The following TNFRSF21 variants were observed in gnomAD, a reference collection of about 807,000 sequenced individuals.
The protein encoded by TNFRSF21 is TNF receptor superfamily member 21, also known as tumor necrosis factor receptor superfamily member 21.
In TNFRSF21, 19 loss-of-function variants were observed where a neutral mutation model predicts 45.6. That is an observed-to-expected ratio of 0.42 (90% CI 0.29 to 0.61). The LOEUF is 0.61. TNFRSF21 is among the 20% of genes least tolerant of loss of function. The pLI is 0.23. For missense variants in TNFRSF21, 737 were observed against 851.5 expected (o/e 0.87, Z 1.67); for synonymous variants, 314 against 335.5 (o/e 0.94, Z 0.70).
At chr6:47,264,267 C>A (rs1034794803) in intron 3 of TNFRSF21, among the ~76,000 whole-genome samples, 1 of 152,192 alleles carries the variant, frequency 6.6e-6, no homozygotes, top group Admixed American at 6.5e-5. Context: ...GTGGCTCACA[C>A]CTGTAATCCC....
chr6:47,245,820 G>A (rs931619865), intron 4 of TNFRSF21, among the ~76,000 whole-genome samples: 4 of 152,132 alleles, frequency 2.6e-5, no homozygotes, highest in African/African-American at 4.8e-5. Context: ...ATATGCTCAC[G>A]GTTCTGCAAG....
intron 3 of TNFRSF21, among the ~76,000 whole-genome samples, chr6:47,268,884 C>A (rs1439616981): frequency 1.3e-5 from 2 of 152,126 alleles, no homozygotes; most frequent in Non-Finnish European, 2.9e-5. Flanking sequence ...TCTCCAATAT[C>A]CTTATTTATC....
At chr6:47,243,450 TC>T (rs1470504625) in intron 4 of TNFRSF21, among the ~76,000 whole-genome samples, 6 of 152,146 alleles carry the variant, frequency 3.9e-5, no homozygotes, top group Non-Finnish European at 2.9e-5. Context: ...TTTGTTTTTT[TC>T]GTGTCTCCCA....
At chr6:47,242,443 T>C (rs1189088689) in intron 4 of TNFRSF21, among the ~76,000 whole-genome samples, 1 of 152,154 alleles carries the variant, frequency 6.6e-6, no homozygotes, top group African/African-American at 2.4e-5. Context: ...AGAGTTAATT[T>C]CAAAATTGAG....
In TNFRSF21 at chr6:47,234,928, A is replaced by G. The variant is rs970953435; in HGVS notation, c.1510-30T>C. 6 of 1,238,038 alleles carry G rather than the reference A, an allele frequency of 4.8e-6. No homozygotes were observed. The African/African-American group carries it at 9.7e-5, about 20-fold the overall frequency. The allele number at this position is 1,238,038 out of a possible 1,614,324, so 76.7% of individuals were successfully genotyped here. A position where few individuals can be genotyped will look rare whatever the true frequency, so the allele number is the denominator to read the frequency against. On this transcript the variant is annotated intron_variant, in intron 4 of 5. Transcript: ENST00000296861. The stretch of plus-strand genomic sequence containing the variant: ...AGGAGGGAAAATTTTTTTTTATTAT[A>G]TATAGAAAAAAAAACAGTAAAATTA...
intron 1 of TNFRSF21, among the ~76,000 whole-genome samples, chr6:47,296,364 CTGTGATAT>C (rs1347941751): frequency 6.6e-6 from 1 of 152,150 alleles, no homozygotes; most frequent in African/African-American, 2.4e-5. Context: ...AGGTGTGATA[CTGTGATAT>C]AATAAATATA....
chr6:47,253,164 T>G (rs1005795872), intron 4 of TNFRSF21, 92 bp downstream of exon 4: 2 of 1,455,462 alleles, frequency 1.4e-6, no homozygotes, highest in South Asian at 2.7e-5. Context: ...CCACCGAATA[T>G]GTTATTTTTC....
intron 3 of TNFRSF21, among the ~76,000 whole-genome samples, chr6:47,260,680 T>C (rs910169382): frequency 1.3e-5 from 2 of 152,136 alleles, no homozygotes; most frequent in African/African-American, 4.8e-5. Context: ...AAGCCCTCCT[T>C]GGATGAGGTA....
chr6:47,235,712 C>T (rs1292071196), intron 4 of TNFRSF21, among the ~76,000 whole-genome samples: 1 of 152,176 alleles, frequency 6.6e-6, no homozygotes, highest in African/African-American at 2.4e-5. Flanking sequence ...CCCAGGTTTT[C>T]TGACTCCCAT....
At chr6:47,234,625 T>TG (rs1412586602) in intron 5 of TNFRSF21, 45 bp downstream of exon 5, 3 of 1,487,126 alleles carry the variant, frequency 2.0e-6, no homozygotes, top group Admixed American at 1.9e-5. Context: ...AGGGGCTCTT[T>TG]GGGGGGTTTA....
chr6:47,271,606 T>C (rs1247659420), intron 3 of TNFRSF21, among the ~76,000 whole-genome samples: 1 of 152,062 alleles, frequency 6.6e-6, no homozygotes, highest in African/African-American at 2.4e-5. Context: ...ACTGCATCAA[T>C]TAACGGGCAA....
intron 1 of TNFRSF21, among the ~76,000 whole-genome samples, 174 bp downstream of exon 1, chr6:47,309,242 C>T (rs1025459019): frequency 3.7e-4 from 57 of 152,172 alleles, no homozygotes; most frequent in African/African-American, 1.4e-3. Flanking sequence ...CCCAAATAAC[C>T]TAGTCGAGGC....
chr6:47,282,399 A>C (rs956951167), intron 3 of TNFRSF21, among the ~76,000 whole-genome samples: 1 of 148,360 alleles, frequency 6.7e-6, no homozygotes, highest in Non-Finnish European at 1.5e-5. Flanking sequence ...AAAAAATAAA[A>C]AAAAAAAACC....
chr6:47,307,095 C>T (rs1220172272), intron 1 of TNFRSF21, among the ~76,000 whole-genome samples: 3 of 152,164 alleles, frequency 2.0e-5, no homozygotes, highest in Admixed American at 2.0e-4. Context: ...TTCCTCCCCA[C>T]CCTGGATGGG....
intron 1 of TNFRSF21, among the ~76,000 whole-genome samples, chr6:47,286,910 G>C (rs1346773866): frequency 1.1e-4 from 17 of 152,124 alleles, no homozygotes; most frequent in Admixed American, 3.9e-4. Flanking sequence ...AAAATCAGTT[G>C]AGAATATGTA....
At chr6:47,306,321 C>G (rs748291770) in intron 1 of TNFRSF21, among the ~76,000 whole-genome samples, 5 of 152,198 alleles carry the variant, frequency 3.3e-5, no homozygotes, top group Non-Finnish European at 7.3e-5. Context: ...CCCCAGTGAG[C>G]CTTCTCTGTT....
chr6:47,277,746 G>C (rs1561947198), intron 3 of TNFRSF21, among the ~76,000 whole-genome samples: 1 of 152,110 alleles, frequency 6.6e-6, no homozygotes, highest in Non-Finnish European at 1.5e-5. Flanking sequence ...AGAAGTAAAA[G>C]GTTTTAACTG....
Position 47,284,076 on chromosome 6 carries a change from T to C in TNFRSF21, c.1105A>G (p.Ser369Gly), listed in dbSNP as rs1261968929. The C allele has an allele frequency of 6.2e-7, 1 of 1,614,078 alleles. No individual in the cohort carries two copies. Among genetic ancestry groups the C allele is most frequent in the African/African-American group, 1.3e-5 (1 of 74,922 alleles). Residue 369 changes from serine to glycine, a missense_variant, in exon 3 of 6, where the codon AGT (serine) becomes GGT (glycine). Coordinates refer to ENST00000296861, the MANE Select transcript of TNFRSF21 (RefSeq NM_014452.5). ...LLVLVVIVVC[S>G]IRKSSRTLKK... ...AGAGTCCTCGAGCTTTTCCGGATAC[T>C]GCACACCACAATCACCACAAGCACC...
At chr6:47,247,890 A>C (rs892840403) in intron 4 of TNFRSF21, among the ~76,000 whole-genome samples, 3 of 152,204 alleles carry the variant, frequency 2.0e-5, no homozygotes, top group South Asian at 2.1e-4. Flanking sequence ...AATCAACAAC[A>C]ACCACCACAA....
Sources: gnomAD v4.1 joint callset for allele counts (sites outside exome capture counted in the v4.1 genomes callset) on GRCh38, gnomAD v4.1.1 for gene constraint, MANE v1.5 for transcripts, NCBI Gene and HGNC (gene_info 2026-07-23, HGNC 2026-07-21) for gene names.